The following SERPINB13 variants were observed in gnomAD, a reference collection of about 807,000 sequenced individuals.
SERPINB13 encodes serpin family B member 13.
In SERPINB13, 26 loss-of-function variants were observed where a neutral mutation model predicts 31.2. The observed-to-expected ratio is 0.83, with a 90% CI of 0.61 to 1.15. SERPINB13 has a LOEUF of 1.15. Among genes scored for constraint, SERPINB13 ranks in the 50% most tolerant of loss-of-function variants. SERPINB13 has a pLI of 0.00. For synonymous variants in SERPINB13, 191 were observed against 172.4 expected, an observed-to-expected ratio of 1.11 and a Z score of -0.85; for missense variants, 510 against 469.4, an observed-to-expected ratio of 1.09 and a Z score of -0.80.
rs1912335391 is a variant in SERPINB13 at position 63,598,808 on chromosome 18, A to G, written c.*1445A>G. The G allele has an allele frequency of 6.6e-6, 1 of 152,184 alleles. No homozygotes were observed. Among genetic ancestry groups the G allele is most frequent in the Non-Finnish European group, 1.5e-5 (1 of 68,012 alleles). The allele number at this position is 152,184 out of a possible 1,614,324, so 9.4% of individuals were successfully genotyped here. ...AAATTGCTGGGCCATATGAAAAATC[A>G]ATAGTTAGCTTTGTAAGAAACAGTC... is the stretch of plus-strand genomic sequence containing the variant. On this transcript the variant is annotated 3_prime_UTR_variant, in exon 8 of 8. Coordinates refer to ENST00000344731, the MANE Select transcript of SERPINB13 (RefSeq NM_012397.4).
intron 3 of SERPINB13, among the ~76,000 whole-genome samples, chr18:63,591,340 C>T (rs1911837826): frequency 1.3e-5 from 2 of 151,752 alleles, no homozygotes; most frequent in Non-Finnish European, 2.9e-5. Context: ...ATAGCTATTT[C>T]CTCATTTATT....
chr18:63,589,797 T>C, intron 3 of SERPINB13, 82 bp downstream of exon 3: 1 of 1,606,250 alleles, frequency 6.2e-7, no homozygotes, highest in Admixed American at 1.7e-5. Flanking sequence ...GTGTGGGGTC[T>C]CTGGGGAAAA....
chr18:63,593,021 A>C lies in SERPINB13; in HGVS notation c.472+50A>C, dbSNP rs760475202. The C allele has an allele frequency of 3.3e-6, 4 of 1,216,734 alleles. No homozygotes were observed. The South Asian group carries it at 3.9e-5, about 12-fold the overall frequency. 75.4% of individuals were successfully genotyped at this position (1,216,734 alleles called of 1,614,324 possible). ...TGCAAAAAAACAAAAACAAAGAAACAAACAAACAAAAAACACTTCTTGACA... is the reference window on the plus strand; with the variant it reads ...TGCAAAAAAACAAAAACAAAGAAACCAACAAACAAAAAACACTTCTTGACA... On this transcript the variant is annotated intron_variant, in intron 5 of 7. Transcript: ENST00000344731.
At position 63,595,171 on chromosome 18, in the gene SERPINB13, A is replaced by G; in HGVS notation, c.758A>G (p.Asp253Gly). ...TTTGTGCTTCTGCCCAACGACATCG[A>G]TGGCCTGGAGAAGGTAAACGCTTAC... ...SMFVLLPNDI[D>G]GLEKIIDKIS... The change falls in exon 7 of 8, where the codon GAT becomes GGT. Residue 253 changes from aspartate to glycine, a missense_variant. Transcript: ENST00000344731. 6.2e-7 allele frequency: 1 copy of G among 1,612,984 alleles called. No homozygotes were observed. Among genetic ancestry groups the G allele is most frequent in the Non-Finnish European group, 8.5e-7 (1 of 1,179,638 alleles).
At chr18:63,592,813 GT>G in intron 4 of SERPINB13, 40 bp from the exon 5 acceptor site, 1 of 1,293,116 alleles carries the variant, frequency 7.7e-7, no homozygotes, top group Non-Finnish European at 1.1e-6. Context: ...GATAAATTGA[GT>G]TTTTAACCTC....
chr18:63,588,840 G>A lies in SERPINB13; in HGVS notation c.165+8G>A, dbSNP rs752064082. On this transcript the variant is annotated splice_region_variant and intron_variant, in intron 2 of 7. Transcript: ENST00000344731. The stretch of plus-strand genomic sequence containing the variant: ...GCTTCCCAGTTGGAGGAGGTTGGGC[G>A]CAGTCAGGGGGCTTCCTTGTTTCCT... 6.3e-5 allele frequency: 102 copies of A among 1,612,170 alleles called. No individual in the cohort carries two copies. The highest frequency in any genetic ancestry group is 6.3e-4 in the South Asian group (57 of 90,970).
chr18:63,592,401 A>G lies in SERPINB13; in HGVS notation c.279A>G (p.Ile93Met), dbSNP rs1401562408. The change falls in exon 4 of 8, where the codon ATA becomes ATG. Residue 93 changes from isoleucine (I) to methionine (M), a missense_variant. Ile to Met is a conservative substitution (Grantham distance 10, BLOSUM62 1). Transcript: ENST00000344731. ...AATTCCAAAAGTTTTTGACTGAAAT[A>G]AGCAAACTCACTAATGATTATGAAC... ...HQQFQKFLTE[I>M]SKLTNDYELN... 3.7e-6 allele frequency: 6 copies of G among 1,613,440 alleles called. No individual in the cohort carries two copies. The East Asian group carries it at 1.1e-4, about 30-fold the overall frequency.
intron 5 of SERPINB13, 64 bp from the exon 6 acceptor site, chr18:63,594,291 T>A: frequency 6.2e-7 from 1 of 1,605,468 alleles, no homozygotes; most frequent in East Asian, 2.2e-5. Flanking sequence ...TGCATCATAT[T>A]TGTCATACAT....
chr18:63,589,490 C>CACACACACACACACACAT (rs202159249), intron 2 of SERPINB13, among the ~76,000 whole-genome samples, 166 bp from the exon 3 acceptor site: 11 of 151,116 alleles, frequency 7.3e-5, no homozygotes, highest in African/African-American at 2.7e-4. Flanking sequence ...CACACACACA[C>CACACACACACACACACAT]GAAAAATCAG....
chr18:63,594,123 A>C, intron 5 of SERPINB13: 1 of 1,431,900 alleles, frequency 7.0e-7, no homozygotes, highest in Non-Finnish European at 9.3e-7. Flanking sequence ...CTGACCCCAG[A>C]GTCTGGACTC....
Position 63,591,365 on chromosome 18 carries a change from G to A in SERPINB13, c.226-983G>A, listed in dbSNP as rs187027411. On this transcript the variant is annotated intron_variant, in intron 3 of 7. Coordinates refer to ENST00000344731, the MANE Select transcript of SERPINB13 (RefSeq NM_012397.4). ...CCTCATTTATTTTGTTGATGGGGCCGGCCTTCCTTCCTTCCTTCCTTCCCT... is the reference window on the plus strand; with the variant it reads ...CCTCATTTATTTTGTTGATGGGGCCAGCCTTCCTTCCTTCCTTCCTTCCCT... 3.1e-3 allele frequency among the ~76,000 whole-genome samples: 470 copies of A among 151,094 alleles called. 4 individuals are homozygous for A. Among genetic ancestry groups the A allele is most frequent in the African/African-American group, 0.011 (443 of 41,254 alleles).
At chr18:63,596,060 A>G (rs1222754620) in intron 7 of SERPINB13, among the ~76,000 whole-genome samples, 2 of 152,052 alleles carry the variant, frequency 1.3e-5, no homozygotes, top group South Asian at 4.1e-4. Context: ...GAACTTCAAT[A>G]CTTTCCCATC....
chr18:63,593,708 G>GT (rs11343134), intron 5 of SERPINB13, among the ~76,000 whole-genome samples: 9 of 151,244 alleles, frequency 6.0e-5, no homozygotes, highest in Non-Finnish European at 1.2e-4. Context: ...TTCAGAATGT[G>GT]TTTTTTTTTT....
At chr18:63,589,578 G>A (rs922478283) in intron 2 of SERPINB13, 78 bp from the exon 3 acceptor site, 21 of 1,539,190 alleles carry the variant, frequency 1.4e-5, no homozygotes, top group Admixed American at 1.1e-4. Flanking sequence ...TTTCAGAAGC[G>A]TCCACTCTCC....
intron 7 of SERPINB13, among the ~76,000 whole-genome samples, chr18:63,595,467 C>A (rs1323645263): frequency 6.6e-6 from 1 of 152,028 alleles, no homozygotes; most frequent in Non-Finnish European, 1.5e-5. Context: ...ATCTATGGAC[C>A]CCTTTCCTGG....
chr18:63,589,009 C>T (rs1052932499), intron 2 of SERPINB13, among the ~76,000 whole-genome samples, 177 bp downstream of exon 2: 2 of 152,158 alleles, frequency 1.3e-5, no homozygotes, highest in African/African-American at 4.8e-5. Flanking sequence ...TCTTCCTTTT[C>T]CAAATACCAT....
intron 3 of SERPINB13, 86 bp downstream of exon 3, chr18:63,589,801 G>A (rs1911746083): frequency 7.5e-6 from 12 of 1,600,778 alleles, no homozygotes; most frequent in Admixed American, 1.7e-5. Flanking sequence ...GGGGTCTCTG[G>A]GGAAAAGGAC....
rs199653578 is a variant in SERPINB13, at chr18:63,594,371, G to A, written c.489G>A (p.Leu163=). The A allele has an allele frequency of 7.6e-4, 1,222 of 1,614,010 alleles. 9 individuals carry two copies. Among genetic ancestry groups the A allele is most frequent in the South Asian group, 7.2e-3 (658 of 91,056 alleles). Residue 163 remains leucine (L), a synonymous_variant, in exon 6 of 8, where the codon TTG becomes TTA. Coordinates refer to ENST00000344731, the MANE Select transcript of SERPINB13 (RefSeq NM_012397.4). ...ESKTNEKIKD[L]FPDGSISSST... is the part of the protein sequence containing the mutation. Reference sequence around the variant, plus strand: ...CATTTGCAGAAAAAATCAAGGACTTGTTCCCAGATGGCTCTATTAGTAGCT... The same window carrying A: ...CATTTGCAGAAAAAATCAAGGACTTATTCCCAGATGGCTCTATTAGTAGCT...
chr18:63,590,338 C>T (rs150754993), intron 3 of SERPINB13, among the ~76,000 whole-genome samples: 12 of 152,248 alleles, frequency 7.9e-5, no homozygotes, highest in African/African-American at 2.6e-4. Context: ...CCCATTAGGT[C>T]GGGGCTAGGA....
Sources: gnomAD v4.1 joint callset for allele counts (sites outside exome capture counted in the v4.1 genomes callset) on GRCh38, gnomAD v4.1.1 for gene constraint, MANE v1.5 for transcripts, NCBI Gene and HGNC (gene_info 2026-07-23, HGNC 2026-07-21) for gene names.